The following HS6ST3 variants were observed in gnomAD, a reference collection of about 807,000 sequenced individuals.
The protein encoded by HS6ST3 is heparan sulfate 6-O-sulfotransferase 3, also known as heparan-sulfate 6-O-sulfotransferase 3.
In HS6ST3, 12 loss-of-function variants were observed where a neutral mutation model predicts 36.7. The observed-to-expected ratio is 0.33, with a 90% CI of 0.21 to 0.53. The LOEUF is 0.53. Among genes scored for constraint, HS6ST3 ranks in the 20% least tolerant of loss-of-function variants. The pLI is 0.95. For missense variants in HS6ST3, 584 were observed against 640.9 expected (o/e 0.91, Z 0.96); for synonymous variants, 240 against 257.5 (o/e 0.93, Z 0.65).
Position 96,474,403 on chromosome 13 carries a change from A to C in HS6ST3, c.708-358087A>C, listed in dbSNP as rs377096916. ...TCAAACGGATAGGAAATGTTTAAAAATAAAACAGGAAGGATGACAAATCCC... is the reference window on the plus strand; with the variant it reads ...TCAAACGGATAGGAAATGTTTAAAACTAAAACAGGAAGGATGACAAATCCC... On this transcript the variant is annotated intron_variant, in intron 1 of 1. Coordinates refer to ENST00000376705, the MANE Select transcript of HS6ST3 (RefSeq NM_153456.4). 2.6e-4 allele frequency among the ~76,000 whole-genome samples: 39 copies of C among 152,304 alleles called. 1 individual carries two copies. The South Asian group carries it at 8.1e-3, about 32-fold the overall frequency.
At chr13:96,320,571 G>A (rs1461845628) in intron 1 of HS6ST3, among the ~76,000 whole-genome samples, 2 of 152,188 alleles carry the variant, frequency 1.3e-5, no homozygotes, top group Non-Finnish European at 2.9e-5. Flanking sequence ...CTTTGAGATT[G>A]GATTAAGATG....
intron 1 of HS6ST3, among the ~76,000 whole-genome samples, chr13:96,451,846 T>C (rs2055729958): frequency 6.6e-6 from 1 of 152,220 alleles, no homozygotes; most frequent in African/African-American, 2.4e-5. Flanking sequence ...TTTCCTTTTT[T>C]TAAGATACTA....
chr13:96,553,015 C>T (rs1007333770), intron 1 of HS6ST3, among the ~76,000 whole-genome samples: 5 of 152,040 alleles, frequency 3.3e-5, no homozygotes, highest in African/African-American at 4.8e-5. Flanking sequence ...GAGGTAGGGG[C>T]AAAGAAAGGA....
At chr13:96,245,258 G>A (rs1158960440) in intron 1 of HS6ST3, among the ~76,000 whole-genome samples, 1 of 152,156 alleles carries the variant, frequency 6.6e-6, no homozygotes, top group East Asian at 1.9e-4. Context: ...TCAGAGAATT[G>A]ACTTACAGAA....
intron 1 of HS6ST3, among the ~76,000 whole-genome samples, chr13:96,210,022 G>T (rs147793702): frequency 1.3e-5 from 2 of 152,266 alleles, no homozygotes; most frequent in East Asian, 3.9e-4. Context: ...TACTGCTATA[G>T]AACAGAGTAG....
At position 96,492,148 on chromosome 13, in the gene HS6ST3, G is replaced by A. The variant is rs2055949254; in HGVS notation, c.708-340342G>A. On this transcript the variant is annotated intron_variant, in intron 1 of 1. Coordinates refer to ENST00000376705, the MANE Select transcript of HS6ST3 (RefSeq NM_153456.4). ...TTTTGTTGTGCCAGGTACTATGAGCGTGTCTCACAGTTCATAGATGCTGCC... is the reference window on the plus strand; with the variant it reads ...TTTTGTTGTGCCAGGTACTATGAGCATGTCTCACAGTTCATAGATGCTGCC... 5.3e-5 allele frequency among the ~76,000 whole-genome samples: 8 copies of A among 152,274 alleles called. No individual in the cohort carries two copies. In the South Asian group the frequency reaches 1.7e-3, roughly 32 times the overall value.
At chr13:96,295,114 G>A (rs1053216902) in intron 1 of HS6ST3, among the ~76,000 whole-genome samples, 6 of 152,038 alleles carry the variant, frequency 3.9e-5, no homozygotes, top group African/African-American at 1.2e-4. Flanking sequence ...CAACGAATGG[G>A]CTTTACTTCG....
At chr13:96,097,418 T>A (rs1421724419) in intron 1 of HS6ST3, among the ~76,000 whole-genome samples, 7 of 152,220 alleles carry the variant, frequency 4.6e-5, no homozygotes. Flanking sequence ...CAAATCCTAA[T>A]GTGATTTTAA....
intron 1 of HS6ST3, among the ~76,000 whole-genome samples, chr13:96,479,028 G>A (rs989938911): frequency 1.3e-5 from 2 of 152,122 alleles, no homozygotes; most frequent in Non-Finnish European, 2.9e-5. Flanking sequence ...CCCTCATGCT[G>A]GGCCCTAAGA....
At chr13:96,356,726 A>G (rs2055212107) in intron 1 of HS6ST3, among the ~76,000 whole-genome samples, 1 of 152,220 alleles carries the variant, frequency 6.6e-6, no homozygotes, top group Non-Finnish European at 1.5e-5. Flanking sequence ...TAGTATTTTC[A>G]GAATTGTAAA....
chr13:96,466,126 C>G (rs1368528309), intron 1 of HS6ST3, among the ~76,000 whole-genome samples: 1 of 151,886 alleles, frequency 6.6e-6, no homozygotes, highest in East Asian at 1.9e-4. Flanking sequence ...ACTAAAAATA[C>G]AAAAATGAGC....
intron 1 of HS6ST3, among the ~76,000 whole-genome samples, chr13:96,414,703 A>C: frequency 6.6e-6 from 1 of 152,172 alleles, no homozygotes; most frequent in Non-Finnish European, 1.5e-5. Flanking sequence ...GCTGGTTTAG[A>C]ACTTCTGACC....
chr13:96,285,011 G>A (rs1011179322), intron 1 of HS6ST3, among the ~76,000 whole-genome samples: 2 of 149,892 alleles, frequency 1.3e-5, no homozygotes, highest in Admixed American at 6.7e-5. Flanking sequence ...GAGAATGTGC[G>A]TTGGCTGTGC....
At chr13:96,505,226 T>G (rs2056021582) in intron 1 of HS6ST3, among the ~76,000 whole-genome samples, 1 of 152,174 alleles carries the variant, frequency 6.6e-6, no homozygotes. Flanking sequence ...GGCTGCGGTT[T>G]AAATCCATCA....
chr13:96,168,476 C>T (rs774665818), intron 1 of HS6ST3, among the ~76,000 whole-genome samples: 3 of 151,970 alleles, frequency 2.0e-5, no homozygotes, highest in Non-Finnish European at 4.4e-5. Flanking sequence ...GTGGCCGGAG[C>T]AGGGGGATCC....
At chr13:96,142,001 T>C (rs1482466598) in intron 1 of HS6ST3, among the ~76,000 whole-genome samples, 8 of 113,262 alleles carry the variant, frequency 7.1e-5, no homozygotes, top group Non-Finnish European at 1.7e-5. Flanking sequence ...ACAGAGCCAA[T>C]CAAGAAATCA....
In HS6ST3 at chr13:96,122,169, T is replaced by C. The variant is rs182368591; in HGVS notation, c.707+30600T>C. 3.4e-4 allele frequency among the ~76,000 whole-genome samples: 51 copies of C among 149,930 alleles called. No homozygotes were observed. The East Asian group carries it at 8.8e-3, about 26-fold the overall frequency. On this transcript the variant is annotated intron_variant, in intron 1 of 1. Coordinates refer to ENST00000376705, the MANE Select transcript of HS6ST3 (RefSeq NM_153456.4). ...TATTATTTGCTATTTTACAGCTGAG[T>C]AAATTGAGGCACGGAGAAGTAATTT...
intron 1 of HS6ST3, 92 bp downstream of exon 1, chr13:96,091,661 C>T (rs2053765688): frequency 6.2e-6 from 9 of 1,442,218 alleles, no homozygotes; most frequent in Non-Finnish European, 8.2e-6. Flanking sequence ...CTCCCTGCCC[C>T]TGCCGATGGT....
chr13:96,828,483 A>G (rs943368788), intron 1 of HS6ST3, among the ~76,000 whole-genome samples: 3 of 152,130 alleles, frequency 2.0e-5, no homozygotes, highest in Non-Finnish European at 4.4e-5. Flanking sequence ...TTCCTACAAA[A>G]TAGGAGGTTT....
Sources: allele counts gnomAD v4.1 joint callset (sites outside exome capture counted in the v4.1 genomes callset), GRCh38; gene constraint gnomAD v4.1.1; transcripts MANE v1.5; gene names NCBI Gene and HGNC (gene_info 2026-07-23, HGNC 2026-07-21).